The following IGFL2 variants were observed in gnomAD, a reference collection of about 807,000 sequenced individuals.
IGFL2 encodes insulin growth factor-like family member 2.
IGFL2 carries 7 observed loss-of-function variants against 13.9 expected under a neutral mutation model. That is an observed-to-expected ratio of 0.51 (90% CI 0.29 to 0.95). The LOEUF is 0.95. IGFL2 is among the 40% of genes least tolerant of loss of function. IGFL2 has a pLI of 0.08. For missense variants in IGFL2, 138 were observed against 147.8 expected, an observed-to-expected ratio of 0.93 and a Z score of 0.34; for synonymous variants, 55 against 55.8, an observed-to-expected ratio of 0.99 and a Z score of 0.07.
At chr19:46,117,408 A>AT in the IGFL2 span, among the ~76,000 whole-genome samples, 24 of 150,482 alleles carry the variant, frequency 1.6e-4, no homozygotes, top group African/African-American at 4.6e-4. Flanking sequence ...TTAAAAGTCA[A>AT]TTTTTTTTTC....
the IGFL2 span, among the ~76,000 whole-genome samples, chr19:46,081,156 G>A: frequency 7.2e-5 from 11 of 152,322 alleles, no homozygotes; most frequent in Admixed American, 6.5e-4. Flanking sequence ...GGGAGCCTTA[G>A]ATACATAACG....
At chr19:46,098,391 G>C in the IGFL2 span, among the ~76,000 whole-genome samples, 1 of 151,010 alleles carries the variant, frequency 6.6e-6, no homozygotes, top group African/African-American at 2.4e-5. Flanking sequence ...GAGCCTATGT[G>C]TATCATTGCA....
intron 1 of IGFL2, chr19:46,159,735 C>T (rs1184534973): frequency 6.6e-6 from 1 of 152,244 alleles, no homozygotes; most frequent in Non-Finnish European, 1.5e-5. Flanking sequence ...CCTTCACCCA[C>T]AGTCATGGTG....
chr19:46,195,764 A>T, the IGFL2 span: 1 of 152,152 alleles, frequency 6.6e-6, no homozygotes, highest in Non-Finnish European at 1.5e-5. Flanking sequence ...CTGGGTCTGG[A>T]CACCCTGTGG....
chr19:46,156,814 C>T (rs1267248194), intron 1 of IGFL2, among the ~76,000 whole-genome samples: 3 of 151,940 alleles, frequency 2.0e-5, no homozygotes, highest in African/African-American at 4.8e-5. Flanking sequence ...AAATTGAAAA[C>T]AGAAAAACAG....
chr19:46,192,971 C>T, the IGFL2 span, among the ~76,000 whole-genome samples: 5 of 148,784 alleles, frequency 3.4e-5, no homozygotes, highest in East Asian at 9.9e-4. Context: ...GGGTGGATCA[C>T]TTGAGGTCAG....
chr19:46,096,485 C>T, the IGFL2 span, among the ~76,000 whole-genome samples: 2 of 152,136 alleles, frequency 1.3e-5, no homozygotes, highest in Non-Finnish European at 2.9e-5. Context: ...ATTTGACTTT[C>T]TCTCTTCCTA....
chr19:46,190,327 C>T, the IGFL2 span: 1 of 152,228 alleles, frequency 6.6e-6, no homozygotes, highest in African/African-American at 2.4e-5. Flanking sequence ...GGGATGTCCT[C>T]AGCTGGGACA....
chr19:46,104,372 A>C, the IGFL2 span, among the ~76,000 whole-genome samples: 10 of 152,132 alleles, frequency 6.6e-5, no homozygotes, highest in South Asian at 2.1e-4. Flanking sequence ...ACCTTTCCTG[A>C]AGATTGAGGA....
At chr19:46,152,529 C>A (rs747195598) in intron 1 of IGFL2, among the ~76,000 whole-genome samples, 3 of 152,174 alleles carry the variant, frequency 2.0e-5, no homozygotes, top group Non-Finnish European at 4.4e-5. Context: ...AGTGATCCTC[C>A]CCACTTGGTC....
At chr19:46,188,051 T>C in the IGFL2 span, among the ~76,000 whole-genome samples, 1 of 152,210 alleles carries the variant, frequency 6.6e-6, no homozygotes, top group Non-Finnish European at 1.5e-5. Flanking sequence ...CCTTGAGCAA[T>C]AGGATATAAA....
At chr19:46,120,080 A>T in the IGFL2 span, 1 of 539,420 alleles carries the variant, frequency 1.9e-6, no homozygotes, top group African/African-American at 2.0e-5. Context: ...AAGATGGTAA[A>T]TGTGGGGGAT....
chr19:46,129,657 T>A, the IGFL2 span, among the ~76,000 whole-genome samples: 2 of 152,316 alleles, frequency 1.3e-5, no homozygotes, highest in South Asian at 4.1e-4. Flanking sequence ...AATTTCCATG[T>A]AATTGTATGG....
chr19:46,146,267 T>A (rs1391802499), upstream of IGFL2, among the ~76,000 whole-genome samples: 1 of 152,148 alleles, frequency 6.6e-6, no homozygotes, highest in Non-Finnish European at 1.5e-5. Flanking sequence ...ACTATATTTG[T>A]TTGGGTTTAT....
chr19:46,136,938 G>C, the IGFL2 span: 1 of 1,123,412 alleles, frequency 8.9e-7, no homozygotes, highest in Non-Finnish European at 1.4e-6. Context: ...AGAGGTGTCT[G>C]TAAAGTTGTT....
At chr19:46,193,564 C>G in the IGFL2 span, among the ~76,000 whole-genome samples, 6 of 152,104 alleles carry the variant, frequency 3.9e-5, no homozygotes, top group African/African-American at 1.2e-4. Context: ...GATGAAAATT[C>G]TCCACTTAAT....
chr19:46,137,492 C>G, the IGFL2 span: 1 of 1,153,160 alleles, frequency 8.7e-7, no homozygotes, highest in South Asian at 1.2e-5. Flanking sequence ...CAGGTTGCCC[C>G]TTCTCCTTCT....
the IGFL2 span, among the ~76,000 whole-genome samples, chr19:46,121,707 G>GA: frequency 6.6e-6 from 1 of 150,856 alleles, no homozygotes; most frequent in African/African-American, 2.5e-5. Flanking sequence ...AGATTTTTTA[G>GA]AAAATGTAGG....
At chr19:46,150,298 G>T (rs180763094) in intron 1 of IGFL2, among the ~76,000 whole-genome samples, 1 of 152,230 alleles carries the variant, frequency 6.6e-6, no homozygotes, top group Admixed American at 6.5e-5. Context: ...TATATAATTT[G>T]CAAATACTTT....
Sources: gnomAD v4.1 joint callset for allele counts (sites outside exome capture counted in the v4.1 genomes callset) on GRCh38, gnomAD v4.1.1 for gene constraint, MANE v1.5 for transcripts, NCBI Gene and HGNC (gene_info 2026-07-23, HGNC 2026-07-21) for gene names.